The following NR4A1 variants were observed in gnomAD, a reference collection of about 807,000 sequenced individuals.
NR4A1 encodes nuclear receptor subfamily 4 group A member 1, also known as nuclear receptor subfamily 4immunitygroup A member 1.
In NR4A1, 24 loss-of-function variants were observed where a neutral mutation model predicts 47.5. The ratio of observed to expected loss-of-function variants is 0.50; its 90% CI spans 0.37 to 0.71. NR4A1 has a LOEUF of 0.71. NR4A1 is among the 30% of genes least tolerant of loss of function. The probability of loss-of-function intolerance (pLI) is 0.00; values close to 1 mark genes in which losing one functional copy is unlikely to be tolerated. For synonymous variants in NR4A1, 353 were observed against 345.7 expected, an observed-to-expected ratio of 1.02 and a Z score of -0.24; for missense variants, 669 against 788.6, an observed-to-expected ratio of 0.85 and a Z score of 1.82.
upstream of NR4A1, among the ~76,000 whole-genome samples, chr12:52,048,665 G>A (rs1288094717): frequency 6.6e-6 from 1 of 152,170 alleles, no homozygotes; most frequent in Non-Finnish European, 1.5e-5. Flanking sequence ...GGGGCAAAGT[G>A]GGTGCTAGGT....
chr12:52,032,466 T>C (rs1363535246), intron 1 of NR4A1, among the ~76,000 whole-genome samples: 1 of 152,220 alleles, frequency 6.6e-6, no homozygotes, highest in Non-Finnish European at 1.5e-5. Context: ...TCATAATAAA[T>C]CTTTTTCTAT....
At chr12:52,037,834 C>G in intron 1 of NR4A1, 1 of 985,366 alleles carries the variant, frequency 1.0e-6, no homozygotes, top group Non-Finnish European at 1.2e-6. Context: ...GTCAAGAAAC[C>G]AAGGCTGGGG....
At chr12:52,054,179 TG>T in intron 1 of NR4A1, 147 bp from the exon 2 acceptor site, 2 of 673,030 alleles carry the variant, frequency 3.0e-6, no homozygotes, top group Non-Finnish European at 5.0e-6. Flanking sequence ...TCAGGATTCC[TG>T]GGTGCTCTGG....
In NR4A1 at chr12:52,051,543, G is replaced by C. The variant is rs1347905661; in HGVS notation, c.-28G>C. 1.0e-6 allele frequency: 1 copy of C among 986,046 alleles called. No homozygotes were observed. The highest frequency in any genetic ancestry group is 4.7e-5 in the South Asian group (1 of 21,300). The allele number at this position is 986,046 out of a possible 1,614,324, so 61.1% of individuals were successfully genotyped here. A position where few individuals can be genotyped will look rare whatever the true frequency, so the allele number is the denominator to read the frequency against. On this transcript the variant is annotated 5_prime_UTR_variant, in exon 1 of 7. Coordinates refer to ENST00000394825, the MANE Select transcript of NR4A1 (RefSeq NM_173157.3). ...AGGCTGAGACTCGGGGCGCCAGTCC[G>C]GGCAGGGGCAGCGGGAGCCGGCCGG...
intron 1 of NR4A1, chr12:52,041,693 C>A (rs576251652): frequency 6.9e-6 from 8 of 1,151,434 alleles, no homozygotes; most frequent in East Asian, 3.2e-5. Flanking sequence ...GCTTGTCCCC[C>A]TCTTGTGGCC....
At chr12:52,055,343 G>T (rs1349700220) in intron 2 of NR4A1, 139 bp downstream of exon 2, 4 of 1,146,522 alleles carry the variant, frequency 3.5e-6, no homozygotes, top group Non-Finnish European at 4.9e-6. Context: ...CCTGCCAGGT[G>T]GGCCGCCTTC....
At chr12:52,042,865 T>C (rs1446968025) in intron 2 of NR4A1, among the ~76,000 whole-genome samples, 1 of 152,200 alleles carries the variant, frequency 6.6e-6, no homozygotes, top group East Asian at 1.9e-4. Flanking sequence ...GAGATTCCCT[T>C]CCTCCTTCCC....
At chr12:52,051,267 C>T (rs1177561569), upstream of NR4A1, 2 of 265,202 alleles carry the variant, frequency 7.5e-6, no homozygotes, top group Non-Finnish European at 5.8e-6. Context: ...CCCTCCTCGC[C>T]CCGCCCCCTC....
At chr12:52,057,317 AC>A in intron 5 of NR4A1, 34 bp from the exon 6 acceptor site, 1 of 1,613,830 alleles carries the variant, frequency 6.2e-7, no homozygotes, top group Non-Finnish European at 8.5e-7. Context: ...CCTGTGAACC[AC>A]CCTGATCGCT....
intron 1 of NR4A1, among the ~76,000 whole-genome samples, chr12:52,039,538 A>G (rs551177093): frequency 2.0e-5 from 3 of 152,338 alleles, no homozygotes; most frequent in African/African-American, 7.2e-5. Flanking sequence ...GCCAAATGGA[A>G]GGGACAGCTC....
chr12:52,049,749 G>T (rs1362328863), upstream of NR4A1, among the ~76,000 whole-genome samples: 2 of 152,200 alleles, frequency 1.3e-5, no homozygotes, highest in Non-Finnish European at 2.9e-5. Context: ...TTGCAAATGG[G>T]GCATCAGGAG....
upstream of NR4A1, among the ~76,000 whole-genome samples, chr12:52,051,156 G>C (rs943517784): frequency 2.0e-5 from 3 of 152,226 alleles, no homozygotes; most frequent in Non-Finnish European, 2.9e-5. Context: ...ATTTTTAGCG[G>C]GCGCGGCGGG....
At chr12:52,029,968 G>A (rs923743251) in intron 1 of NR4A1, among the ~76,000 whole-genome samples, 3 of 152,182 alleles carry the variant, frequency 2.0e-5, no homozygotes, top group African/African-American at 7.2e-5. Context: ...AGCCCTCAGG[G>A]CGGTGGCTGC....
rs144119861 is a variant in NR4A1 at position 52,043,083 on chromosome 12, G to A, written c.37+1154G>A. ...AGCCTGGAGGGAAGGGGGAAGCCCT[G>A]GGAAGCAGGGCCTCCTGTTCTGGGG... On this transcript the variant is annotated intron_variant, in intron 2 of 7. Transcript: ENST00000360284. Among the ~76,000 whole-genome samples the A allele has an allele frequency of 5.3e-3, 804 of 152,302 alleles. 6 individuals carry two copies. Among genetic ancestry groups the A allele is most frequent in the Middle Eastern group, 0.024 (7 of 294 alleles).
At chr12:52,057,280 G>T in intron 5 of NR4A1, 21 bp downstream of exon 5, 4 of 1,613,048 alleles carry the variant, frequency 2.5e-6, no homozygotes, top group Non-Finnish European at 3.4e-6. Flanking sequence ...CTGACTGTCT[G>T]CCCAGCCCCT....
At position 52,023,592 on chromosome 12, in the gene NR4A1, C is replaced by T. The variant is rs971614295; in HGVS notation, c.-84+653C>T. 5.3e-5 allele frequency among the ~76,000 whole-genome samples: 8 copies of T among 152,068 alleles called. No homozygotes were observed. The East Asian group carries it at 1.6e-3, about 29-fold the overall frequency. ...CCCGCCTCCATCTCGCGCTCCCAGC[C>T]GCAGACACGGGCGCCTCTGCACTCT... On this transcript the variant is annotated intron_variant, in intron 1 of 7. Coordinates refer to the NR4A1 transcript ENST00000360284.
At chr12:52,050,465 CTGTT>C (rs1276952383), upstream of NR4A1, among the ~76,000 whole-genome samples, 7 of 152,356 alleles carry the variant, frequency 4.6e-5, no homozygotes, top group African/African-American at 1.4e-4. Context: ...TTCTCTGAGC[CTGTT>C]TGTTTATAAA....
chr12:52,024,142 G>A (rs1291498255), intron 1 of NR4A1, among the ~76,000 whole-genome samples: 1 of 152,218 alleles, frequency 6.6e-6, no homozygotes, highest in African/African-American at 2.4e-5. Flanking sequence ...CCGCGAAGGA[G>A]CCTGTGAGTG....
intron 2 of NR4A1, among the ~76,000 whole-genome samples, chr12:52,042,995 C>T (rs1219375735): frequency 6.6e-6 from 1 of 152,084 alleles, no homozygotes; most frequent in Non-Finnish European, 1.5e-5. Context: ...GGGGGGTCAG[C>T]GTTCAGGGTG....
Sources: gnomAD v4.1 joint callset for allele counts (sites outside exome capture counted in the v4.1 genomes callset) on GRCh38, gnomAD v4.1.1 for gene constraint, MANE v1.5 for transcripts, NCBI Gene and HGNC (gene_info 2026-07-23, HGNC 2026-07-21) for gene names.